HERPUD2: variants seen among roughly 807,000 people sequenced by gnomAD.
HERPUD2 encodes the protein HERPUD family member 2.
HERPUD2 carries 13 observed loss-of-function variants against 49.9 expected under a neutral mutation model. That is an observed-to-expected ratio of 0.26 (90% CI 0.17 to 0.41). The LOEUF is 0.41. Among genes scored for constraint, HERPUD2 ranks in the 10% least tolerant of loss-of-function variants. HERPUD2 has a pLI of 1.00. For synonymous variants in HERPUD2, 172 were observed against 171.4 expected, an observed-to-expected ratio of 1.00 and a Z score of -0.03; for missense variants, 449 against 492.2, an observed-to-expected ratio of 0.91 and a Z score of 0.83.
chr7:35,694,082 C>T (rs892852464), intron 2 of HERPUD2, 102 bp downstream of exon 2: 1 of 1,223,288 alleles, frequency 8.2e-7, no homozygotes, highest in African/African-American at 1.5e-5. Flanking sequence ...CCAAAAGAGA[C>T]CTATTTGATT....
At chr7:35,654,955 A>C (rs1427163815) in intron 5 of HERPUD2, among the ~76,000 whole-genome samples, 1 of 152,192 alleles carries the variant, frequency 6.6e-6, no homozygotes, top group Non-Finnish European at 1.5e-5. Context: ...CCTGGGTTCA[A>C]GCGATGCTCC....
chr7:35,671,563 A>G (rs1785646373), intron 3 of HERPUD2, among the ~76,000 whole-genome samples: 1 of 152,130 alleles, frequency 6.6e-6, no homozygotes, highest in Non-Finnish European at 1.5e-5. Flanking sequence ...ATCACAATTA[A>G]TTCACAGAAT....
chr7:35,638,882 A>G (rs1386364714), intron 5 of HERPUD2, among the ~76,000 whole-genome samples: 1 of 152,234 alleles, frequency 6.6e-6, no homozygotes, highest in African/African-American at 2.4e-5. Context: ...ATGATATTTT[A>G]TATTAGTAAT....
chr7:35,678,522 A>G (rs995790487), intron 2 of HERPUD2, among the ~76,000 whole-genome samples: 2 of 152,164 alleles, frequency 1.3e-5, no homozygotes, highest in African/African-American at 4.8e-5. Flanking sequence ...GCTGGTCTCA[A>G]ACTCCTGGCC....
chr7:35,687,017 G>A (rs1321647223), intron 2 of HERPUD2, among the ~76,000 whole-genome samples: 4 of 151,786 alleles, frequency 2.6e-5, no homozygotes, highest in Admixed American at 6.6e-5. Flanking sequence ...CTGAGATCAC[G>A]CCACTGCACT....
intron 2 of HERPUD2, among the ~76,000 whole-genome samples, chr7:35,692,144 G>C (rs11971099): frequency 1.4e-4 from 21 of 152,304 alleles, no homozygotes; most frequent in African/African-American, 4.6e-4. Flanking sequence ...CAGGCAGTTT[G>C]GGAAGGAGTT....
chr7:35,633,701 C>A lies in HERPUD2; in HGVS notation c.1210G>T (p.Val404Phe). ...CACAGTTTTTCAGGTCAATTGGCAA[C>A]CTGGGGAGGCCCCTCTGGTATTAGT... is the stretch of plus-strand genomic sequence containing the variant. ...TSLIPEGPPQ[V>F]AN is the part of the protein sequence containing the mutation. Residue 404 changes from valine (V) to phenylalanine (F), a missense_variant, in exon 9 of 9, where the codon GTT (valine) becomes TTT (phenylalanine). Val to Phe is a conservative substitution (Grantham distance 50). Coordinates refer to ENST00000311350, the MANE Select transcript of HERPUD2 (RefSeq NM_022373.5). 6.2e-7 allele frequency: 1 copy of A among 1,613,254 alleles called. No homozygotes were observed. The highest frequency in any genetic ancestry group is 8.5e-7 in the Non-Finnish European group (1 of 1,179,660).
At chr7:35,674,434 GAGAGAGAGAGAGAGAGAGAGA>G (rs1562682867) in intron 2 of HERPUD2, among the ~76,000 whole-genome samples, 1 of 128,828 alleles carries the variant, frequency 7.8e-6, no homozygotes, top group Non-Finnish European at 1.7e-5. Flanking sequence ...GAGAGAGAGA[GAGAGAGAGAGAGAGAGAGAGA>G]GAGAGAGAGG....
intron 4 of HERPUD2, among the ~76,000 whole-genome samples, chr7:35,669,706 C>T (rs1003205747): frequency 1.3e-5 from 2 of 152,038 alleles, no homozygotes; most frequent in Non-Finnish European, 2.9e-5. Flanking sequence ...GAGATTAATA[C>T]ATTAAGTATT....
chr7:35,648,406 C>G (rs571015196), intron 5 of HERPUD2, among the ~76,000 whole-genome samples: 5 of 152,290 alleles, frequency 3.3e-5, no homozygotes, highest in Admixed American at 6.5e-5. Flanking sequence ...GCTGGCTTAC[C>G]TGGCTCATAA....
chr7:35,686,737 A>AAAC (rs1554317990), intron 2 of HERPUD2, among the ~76,000 whole-genome samples: 4 of 112,116 alleles, frequency 3.6e-5, no homozygotes, highest in Non-Finnish European at 6.9e-5. Flanking sequence ...AAAAAAAAAA[A>AAAC]AAAAAAAACC....
intron 5 of HERPUD2, among the ~76,000 whole-genome samples, chr7:35,652,160 G>GC (rs879334224): frequency 1.2e-4 from 18 of 152,120 alleles, no homozygotes; most frequent in Non-Finnish European, 2.4e-4. Context: ...ACAACCCTAA[G>GC]CTACTGTCTT....
At chr7:35,636,851 G>A (rs151059294) in intron 6 of HERPUD2, among the ~76,000 whole-genome samples, 366 of 152,206 alleles carry the variant, frequency 2.4e-3, no homozygotes, top group African/African-American at 8.2e-3. Flanking sequence ...CTGGCAAACC[G>A]GGCATGGTGG....
Position 35,686,747 on chromosome 7 carries a change from C to CAAAAAA in HERPUD2, c.147+7436_147+7437insTTTTTT, listed in dbSNP as rs1187930200. On this transcript the variant is annotated intron_variant, in intron 2 of 8. Transcript: ENST00000311350. Reference sequence around the variant, plus strand: ...AAAAAAAAAAAAAAAAAAAAAAAACCAAACCCATTTCCAGGCCAGGGGTGG... The same window carrying CAAAAAA: ...AAAAAAAAAAAAAAAAAAAAAAAACCAAAAAAAAACCCATTTCCAGGCCAGGGGTGG... Among the ~76,000 whole-genome samples, 119 of 20,624 alleles carry CAAAAAA rather than the reference C, an allele frequency of 5.8e-3. 21 individuals are homozygous for CAAAAAA. Among genetic ancestry groups the CAAAAAA allele is most frequent in the Non-Finnish European group, 7.1e-3 (93 of 13,178 alleles). The allele number at this position is 20,624 out of a possible 152,430, so 13.5% of individuals were successfully genotyped here. A position where few individuals can be genotyped will look rare whatever the true frequency, so the allele number is the denominator to read the frequency against.
intron 5 of HERPUD2, among the ~76,000 whole-genome samples, chr7:35,659,187 G>A (rs747410767): frequency 4.6e-5 from 7 of 152,212 alleles, no homozygotes; most frequent in Non-Finnish European, 8.8e-5. Context: ...ACATTTTAAG[G>A]CTAAGACTAT....
At chr7:35,660,507 A>C (rs1039504835) in intron 5 of HERPUD2, among the ~76,000 whole-genome samples, 1 of 152,138 alleles carries the variant, frequency 6.6e-6, no homozygotes, top group African/African-American at 2.4e-5. Flanking sequence ...GTGTAAAAGC[A>C]TTCCTATTTC....
intron 2 of HERPUD2, among the ~76,000 whole-genome samples, chr7:35,680,608 C>T (rs1352049174): frequency 1.3e-5 from 2 of 152,116 alleles, no homozygotes; most frequent in African/African-American, 4.8e-5. Context: ...ACTTAGCTCC[C>T]AAGCTCTCTC....
At chr7:35,644,685 T>C (rs1049908749) in intron 5 of HERPUD2, among the ~76,000 whole-genome samples, 2 of 152,172 alleles carry the variant, frequency 1.3e-5, no homozygotes, top group Non-Finnish European at 2.9e-5. Flanking sequence ...GAGAATCACT[T>C]GAACCCAGGA....
chr7:35,673,807 T>C (rs1486528653), intron 2 of HERPUD2, among the ~76,000 whole-genome samples: 2 of 152,188 alleles, frequency 1.3e-5, no homozygotes, highest in African/African-American at 4.8e-5. Context: ...TTAGATTTAG[T>C]TATAAATTTA....
Sources: gnomAD v4.1 joint callset for allele counts (sites outside exome capture counted in the v4.1 genomes callset) on GRCh38, gnomAD v4.1.1 for gene constraint, MANE v1.5 for transcripts, NCBI Gene and HGNC (gene_info 2026-07-23, HGNC 2026-07-21) for gene names.